Variants in BTRC observed in about 807,000 individuals in gnomAD.
BTRC encodes beta-transducin repeat containing E3 ubiquitin protein ligase.
In BTRC, 42 loss-of-function variants were observed where a neutral mutation model predicts 85.5. The ratio of observed to expected loss-of-function variants is 0.49; its 90% CI spans 0.38 to 0.64. The LOEUF is 0.64. BTRC is among the 30% of genes least tolerant of loss of function. The pLI is 0.00. For synonymous variants in BTRC, 255 were observed against 263.3 expected (o/e 0.97, Z 0.30); for missense variants, 594 against 743.5 (o/e 0.80, Z 2.34).
rs75738664 is a variant in BTRC at position 101,469,198 on chromosome 10, A to G, written c.234+7140A>G. Among the ~76,000 whole-genome samples, 1,025 of 152,318 alleles carry G rather than the reference A, an allele frequency of 6.7e-3. 5 individuals carry two copies. Among genetic ancestry groups the G allele is most frequent in the African/African-American group, 0.024 (980 of 41,564 alleles). On this transcript the variant is annotated intron_variant, in intron 3 of 14. Transcript: ENST00000370187. ...TGTGGCTATTATATTCACTAGTTGG[A>G]TTTCAAACTGGAGAGAGTCTTACAG...
chr10:101,446,109 C>CA (rs1564777652), intron 2 of BTRC, among the ~76,000 whole-genome samples: 7 of 130,892 alleles, frequency 5.3e-5, no homozygotes, highest in African/African-American at 2.0e-4. Context: ...CTTCCCCCCC[C>CA]ACCCCCCCAA....
Position 101,550,831 on chromosome 10 carries a change from T to C in BTRC, c.1789T>C (p.Ser597Pro), listed in dbSNP as rs2062638252. The C allele has an allele frequency of 1.1e-5, 17 of 1,613,848 alleles. No homozygotes were observed. Among genetic ancestry groups the C allele is most frequent in the Admixed American group, 1.7e-5 (1 of 59,976 alleles). Residue 597 changes from serine to proline, a missense_variant, in exon 14 of 15, where the codon TCT (serine) becomes CCT (proline). Around this residue, in one of 4 missense-constraint regions of BTRC, gnomAD observed 56 missense variants for 39.6 expected, o/e 1.41. Coordinates refer to ENST00000370187, the MANE Select transcript of BTRC (RefSeq NM_033637.4). Reference sequence around the variant, plus strand: ...CCAAGCTGAACCCCCCCGTTCCCCTTCTCGAACATACACCTACATCTCCAG... The same window carrying C: ...CCAAGCTGAACCCCCCCGTTCCCCTCCTCGAACATACACCTACATCTCCAG... ...AAQAEPPRSP[S>P]RTYTYISR
intron 2 of BTRC, among the ~76,000 whole-genome samples, chr10:101,436,529 A>G (rs1944534239): frequency 6.6e-6 from 1 of 151,926 alleles, no homozygotes; most frequent in Non-Finnish European, 1.5e-5. Flanking sequence ...AGCTATCTGG[A>G]AGGCCAAGGT....
At chr10:101,476,886 A>C (rs1945703764) in intron 3 of BTRC, among the ~76,000 whole-genome samples, 1 of 152,224 alleles carries the variant, frequency 6.6e-6, no homozygotes, top group African/African-American at 2.4e-5. Context: ...TGGTTCTCGA[A>C]GAGTGTTCCT....
chr10:101,475,870 A>T (rs1465913177), intron 3 of BTRC, among the ~76,000 whole-genome samples: 2 of 144,884 alleles, frequency 1.4e-5, no homozygotes, highest in African/African-American at 5.0e-5. Flanking sequence ...AAAATTAGCA[A>T]GCTGAGATGC....
intron 1 of BTRC, among the ~76,000 whole-genome samples, chr10:101,358,586 TA>T (rs1044404856): frequency 1.3e-5 from 2 of 151,972 alleles, no homozygotes. Flanking sequence ...AAACTTAGCT[TA>T]AAAAAAACAA....
intron 2 of BTRC, among the ~76,000 whole-genome samples, chr10:101,440,614 C>T (rs185921277): frequency 5.9e-5 from 9 of 151,892 alleles, no homozygotes; most frequent in Non-Finnish European, 1.2e-4. Context: ...CCCAGCTACT[C>T]GGGAGGCTGA....
chr10:101,441,341 G>A (rs781506323), intron 2 of BTRC, among the ~76,000 whole-genome samples: 1 of 152,158 alleles, frequency 6.6e-6, no homozygotes, highest in African/African-American at 2.4e-5. Context: ...CACAATTAAT[G>A]ATTAGCTTTA....
chr10:101,396,040 A>G (rs994442187), intron 1 of BTRC, among the ~76,000 whole-genome samples: 1 of 151,962 alleles, frequency 6.6e-6, no homozygotes, highest in African/African-American at 2.4e-5. Flanking sequence ...ATATCTTTGT[A>G]GTTGATCAAA....
intron 13 of BTRC, among the ~76,000 whole-genome samples, chr10:101,540,180 T>G (rs1464259100): frequency 1.3e-5 from 2 of 152,258 alleles, no homozygotes; most frequent in Non-Finnish European, 2.9e-5. Flanking sequence ...CTGTTGTATC[T>G]CAGAAAAACC....
chr10:101,493,915 G>C (rs1299877421), intron 4 of BTRC, among the ~76,000 whole-genome samples: 2 of 152,194 alleles, frequency 1.3e-5, no homozygotes, highest in African/African-American at 2.4e-5. Context: ...AAAAGAGAGT[G>C]AAGTGGAGAA....
chr10:101,488,580 G>A (rs1946049360), intron 4 of BTRC, among the ~76,000 whole-genome samples: 1 of 152,072 alleles, frequency 6.6e-6, no homozygotes, highest in South Asian at 2.1e-4. Flanking sequence ...CTGTTTCCTA[G>A]ACCTTTTTTG....
intron 13 of BTRC, among the ~76,000 whole-genome samples, chr10:101,544,457 TG>T (rs2062525948): frequency 6.6e-6 from 1 of 151,350 alleles, no homozygotes; most frequent in Admixed American, 6.6e-5. Flanking sequence ...TATCCCAGGC[TG>T]GAATGCAGTG....
chr10:101,438,626 T>G (rs1944600343), intron 2 of BTRC, among the ~76,000 whole-genome samples: 1 of 152,154 alleles, frequency 6.6e-6, no homozygotes, highest in Admixed American at 6.5e-5. Context: ...GTTGCTACTG[T>G]TCATTGTAGT....
At position 101,421,468 on chromosome 10, in the gene BTRC, T is replaced by C. The variant is rs188241322; in HGVS notation, c.49-8877T>C. ...TTTATTTAACCTCCCTGGGTCTGTT[T>C]ATTTTTATTTTATTATACTTTAAGT... is the stretch of plus-strand genomic sequence containing the variant. On this transcript the variant is annotated intron_variant, in intron 1 of 14. Transcript: ENST00000370187. 2.0e-5 allele frequency among the ~76,000 whole-genome samples: 3 copies of C among 152,284 alleles called. No homozygotes were observed. The East Asian group carries it at 5.8e-4, about 29-fold the overall frequency.
At chr10:101,378,177 A>G (rs1407112357) in intron 1 of BTRC, among the ~76,000 whole-genome samples, 1 of 152,158 alleles carries the variant, frequency 6.6e-6, no homozygotes, top group Non-Finnish European at 1.5e-5. Context: ...GGCCCCATCT[A>G]TCTCTTCTCC....
At chr10:101,481,051 A>T (rs1945819452) in intron 4 of BTRC, among the ~76,000 whole-genome samples, 1 of 152,126 alleles carries the variant, frequency 6.6e-6, no homozygotes, top group African/African-American at 2.4e-5. Context: ...CCTCCCGAGT[A>T]GCTGAAAACA....
chr10:101,497,823 C>T (rs893804601), intron 4 of BTRC, among the ~76,000 whole-genome samples: 2 of 152,026 alleles, frequency 1.3e-5, no homozygotes, highest in Non-Finnish European at 2.9e-5. Flanking sequence ...AGATCAAGAA[C>T]ATCTTGGCCA....
At chr10:101,459,957 C>G (rs1945180770) in intron 2 of BTRC, among the ~76,000 whole-genome samples, 1 of 152,106 alleles carries the variant, frequency 6.6e-6, no homozygotes, top group Admixed American at 6.5e-5. Context: ...TTTATAGTAT[C>G]TTTGGTATGA....
Sources: gnomAD v4.1 joint callset for allele counts (sites outside exome capture counted in the v4.1 genomes callset) on GRCh38, gnomAD v4.1.1 for gene constraint, gnomAD v4.1.1 regional missense constraint, MANE v1.5 for transcripts, NCBI Gene and HGNC (gene_info 2026-07-23, HGNC 2026-07-21) for gene names.